ANKRD30BL: variants seen among roughly 807,000 people sequenced by gnomAD.
ANKRD30BL encodes ankyrin repeat domain 30B like, also known as putative ankyrin repeat domain-containing protein 30B-like.
ANKRD30BL carries 20 observed loss-of-function variants against 18.4 expected under a neutral mutation model. The observed-to-expected ratio is 1.09, with a 90% CI of 0.77 to 1.58. The LOEUF is 1.58. ANKRD30BL is among the 40% of genes most tolerant of loss of function. The pLI is 0.00. For synonymous variants in ANKRD30BL, 72 were observed against 100.9 expected (o/e 0.71, Z 1.72); for missense variants, 224 against 268.6 (o/e 0.83, Z 1.16).
chr2:132,198,658 C>G (rs575176891), intron 1 of ANKRD30BL, among the ~76,000 whole-genome samples: 1 of 148,852 alleles, frequency 6.7e-6, no homozygotes, highest in African/African-American at 2.5e-5. Context: ...TGCTCTGTTG[C>G]CCCAGGCTGC....
chr2:132,216,346 G>A (rs1416745413), intron 1 of ANKRD30BL, among the ~76,000 whole-genome samples: 2 of 151,856 alleles, frequency 1.3e-5, no homozygotes, highest in Non-Finnish European at 2.9e-5. Context: ...CGGTGGAAAA[G>A]GAAATATCTT....
chr2:132,244,314 T>G, intron 1 of ANKRD30BL, among the ~76,000 whole-genome samples: 1 of 152,306 alleles, frequency 6.6e-6, no homozygotes, highest in East Asian at 1.9e-4. Context: ...ACTCACAGAG[T>G]TGAAATTTTC....
intron 1 of ANKRD30BL, among the ~76,000 whole-genome samples, chr2:132,227,538 C>T (rs534597936): frequency 2.6e-5 from 4 of 151,226 alleles, no homozygotes; most frequent in South Asian, 4.3e-4. Context: ...TCCTTGGAAA[C>T]GGGAATACCT....
chr2:132,197,046 G>A (rs1056964239), intron 1 of ANKRD30BL, among the ~76,000 whole-genome samples: 7 of 152,202 alleles, frequency 4.6e-5, no homozygotes, highest in African/African-American at 1.7e-4. Context: ...CATCCACTCA[G>A]CAAACTCTCA....
chr2:132,239,214 T>A (rs140199473), intron 1 of ANKRD30BL, among the ~76,000 whole-genome samples: 1 of 152,030 alleles, frequency 6.6e-6, no homozygotes, highest in Non-Finnish European at 1.5e-5. Flanking sequence ...TTTCTTTTGA[T>A]ACAGCAATTT....
intron 1 of ANKRD30BL, among the ~76,000 whole-genome samples, chr2:132,189,183 C>T (rs989461460): frequency 9.2e-5 from 14 of 152,270 alleles, no homozygotes; most frequent in African/African-American, 3.1e-4. Context: ...AAATTCTGCA[C>T]TTAGATGAAA....
upstream of ANKRD30BL, among the ~76,000 whole-genome samples, chr2:132,162,778 C>A (rs1257390924): frequency 1.3e-5 from 2 of 152,268 alleles, no homozygotes; most frequent in African/African-American, 4.8e-5. Context: ...GCCCTGAGCG[C>A]TGGTTTGCAG....
At chr2:132,229,559 T>C (rs990304419) in intron 1 of ANKRD30BL, among the ~76,000 whole-genome samples, 7 of 152,188 alleles carry the variant, frequency 4.6e-5, no homozygotes, top group African/African-American at 1.7e-4. Context: ...AACTCTCTTT[T>C]TGTAGAATGT....
At chr2:132,254,098 G>A (rs1008350038) in intron 1 of ANKRD30BL, among the ~76,000 whole-genome samples, 4 of 151,006 alleles carry the variant, frequency 2.6e-5, no homozygotes, top group Non-Finnish European at 1.5e-5. Flanking sequence ...CACAGCAGGG[G>A]ACTGCTCCCC....
At chr2:132,178,465 C>G (rs1688401502) in intron 1 of ANKRD30BL, among the ~76,000 whole-genome samples, 1 of 152,098 alleles carries the variant, frequency 6.6e-6, no homozygotes, top group Non-Finnish European at 1.5e-5. Context: ...TGTGTTGGCT[C>G]TATTCATGAA....
intron 1 of ANKRD30BL, among the ~76,000 whole-genome samples, chr2:132,224,252 C>T (rs1286246641): frequency 6.6e-6 from 1 of 151,814 alleles, no homozygotes; most frequent in South Asian, 2.1e-4. Flanking sequence ...TTTGTAGAAT[C>T]TGCAAGTGGA....
chr2:132,198,342 T>TTTTTTG (rs1449539566), intron 1 of ANKRD30BL, among the ~76,000 whole-genome samples: 1 of 113,262 alleles, frequency 8.8e-6, no homozygotes, highest in African/African-American at 4.7e-5. Flanking sequence ...TTTTTTTTTT[T>TTTTTTG]AGACAGAGTC....
In ANKRD30BL at chr2:132,198,478, C is replaced by T. The variant is rs1466705152; in HGVS notation, n.442-41332G>A. Reference sequence around the variant, plus strand: ...AGCTGGTACTACAGGCATCCGCCACCATGCCCCGCTAATTTTTTGCATCTT... The same window carrying T: ...AGCTGGTACTACAGGCATCCGCCACTATGCCCCGCTAATTTTTTGCATCTT... On this transcript the variant is annotated intron_variant and non_coding_transcript_variant, in intron 1 of 4. Coordinates refer to the ANKRD30BL transcript ENST00000470729. 4.1e-4 allele frequency among the ~76,000 whole-genome samples: 62 copies of T among 151,794 alleles called. 2 individuals carry two copies. The highest frequency in any genetic ancestry group is 1.6e-4 in the Non-Finnish European group (11 of 67,920).
At chr2:132,257,319 A>C (rs1353210220) in intron 1 of ANKRD30BL, among the ~76,000 whole-genome samples, 1 of 152,202 alleles carries the variant, frequency 6.6e-6, no homozygotes, top group Non-Finnish European at 1.5e-5. Flanking sequence ...GCGGGCAGAG[A>C]GCCGGCTCAC....
chr2:132,198,163 GTTA>G (rs1196954151), intron 1 of ANKRD30BL, among the ~76,000 whole-genome samples: 2 of 151,676 alleles, frequency 1.3e-5, no homozygotes, highest in African/African-American at 4.8e-5. Context: ...TTTAACAAGA[GTTA>G]TTGTTTTGCA....
chr2:132,220,713 AC>A (rs1368380901), intron 1 of ANKRD30BL, among the ~76,000 whole-genome samples: 2 of 152,016 alleles, frequency 1.3e-5, no homozygotes, highest in African/African-American at 4.8e-5. Context: ...TCGGCTCGCT[AC>A]AACCTCCACC....
chr2:132,179,725 G>A (rs1688429151), intron 1 of ANKRD30BL, among the ~76,000 whole-genome samples: 1 of 152,158 alleles, frequency 6.6e-6, no homozygotes, highest in African/African-American at 2.4e-5. Context: ...AGCTTCATGT[G>A]TGTTATTGCC....
Position 132,198,259 on chromosome 2 carries a change from CTTTCTTTCT to C in ANKRD30BL, n.442-41122_442-41114del, listed in dbSNP as rs1235645978. The stretch of plus-strand genomic sequence containing the variant: ...TCTCTTTCATAATTTACTATACCTT[CTTTCTTTCT>C]TTTCTTTCTTTCTTTCTTTCTTTCT... On this transcript the variant is annotated intron_variant and non_coding_transcript_variant, in intron 1 of 4. Transcript: ENST00000470729. 1.9e-3 allele frequency among the ~76,000 whole-genome samples: 243 copies of C among 130,758 alleles called. 12 individuals are homozygous for C. Among genetic ancestry groups the C allele is most frequent in the African/African-American group, 8.0e-3 (228 of 28,396 alleles). 85.8% of individuals were successfully genotyped at this position (130,758 alleles called of 152,430 possible). A position where few individuals can be genotyped will look rare whatever the true frequency, so the allele number is the denominator to read the frequency against.
chr2:132,222,096 C>T (rs1474850277), intron 1 of ANKRD30BL, among the ~76,000 whole-genome samples: 4 of 145,100 alleles, frequency 2.8e-5, no homozygotes, highest in African/African-American at 5.3e-5. Context: ...GGGGGGTCAG[C>T]CCCCCACCCG....
Sources: gnomAD v4.1 joint callset for allele counts (sites outside exome capture counted in the v4.1 genomes callset) on GRCh38, gnomAD v4.1.1 for gene constraint, MANE v1.5 for transcripts, NCBI Gene and HGNC (gene_info 2026-07-23, HGNC 2026-07-21) for gene names.